Variants in NALF1 observed in about 807,000 individuals in gnomAD.
The protein encoded by NALF1 is NALCN channel auxiliary factor 1.
Under a neutral mutation model 48.4 loss-of-function variants are expected in NALF1, and 3 were observed. That is an observed-to-expected ratio of 0.06 (90% CI 0.03 to 0.16). The LOEUF is 0.16. Among genes scored for constraint, NALF1 ranks in the 10% least tolerant of loss-of-function variants. The pLI is 1.00. For synonymous variants in NALF1, 262 were observed against 245.7 expected (o/e 1.07, Z -0.62); for missense variants, 526 against 571.5 (o/e 0.92, Z 0.81).
In NALF1 at chr13:107,865,787, G is replaced by A; in HGVS notation, c.810C>T (p.Asp270=). 1 of 1,614,116 alleles carries A rather than the reference G, an allele frequency of 6.2e-7. No homozygotes were observed. Among genetic ancestry groups the A allele is most frequent in the Non-Finnish European group, 8.5e-7 (1 of 1,180,032 alleles). The change falls in exon 1 of 3, where the codon GAC becomes GAT. Residue 270 remains aspartate (D), a synonymous_variant. Transcript: ENST00000375915. The part of the protein sequence containing the change: ...TCRQCVEAYQ[D]YDHHAQEKYE... ...ATTTCTCCTGAGCATGGTGGTCATA[G>A]TCCTGGTAAGCCTCGACGCACTGCC...
intron 1 of NALF1, among the ~76,000 whole-genome samples, chr13:107,701,487 CTG>C (rs1881817962): frequency 6.6e-6 from 1 of 151,960 alleles, no homozygotes; most frequent in Non-Finnish European, 1.5e-5. Flanking sequence ...AGAGAATAAA[CTG>C]TGGTTACCAG....
At chr13:107,692,341 A>AAATATTAGT in intron 1 of NALF1, among the ~76,000 whole-genome samples, 1 of 152,192 alleles carries the variant, frequency 6.6e-6, no homozygotes, top group East Asian at 1.9e-4. Flanking sequence ...CAAGTTTTTG[A>AAATATTAGT]AATATTAGTT....
chr13:107,811,494 T>G (rs1878990526), intron 1 of NALF1, among the ~76,000 whole-genome samples: 1 of 152,190 alleles, frequency 6.6e-6, no homozygotes, highest in Non-Finnish European at 1.5e-5. Context: ...GGCATATGTA[T>G]CCTCTTTATT....
Position 107,532,194 on chromosome 13 carries a change from G to A in NALF1, c.916-321439C>T, listed in dbSNP as rs141941943. 1.7e-3 allele frequency among the ~76,000 whole-genome samples: 251 copies of A among 149,406 alleles called. 1 individual carries two copies. Among genetic ancestry groups the A allele is most frequent in the African/African-American group, 5.8e-3 (242 of 41,380 alleles). On this transcript the variant is annotated intron_variant, in intron 1 of 2. Transcript: ENST00000375915. ...GAGAAAGAAAGTGAACAAAAGTAGA[G>A]TTTAAAAAGCTACAGCCTTTCAAGG...
chr13:107,332,681 C>T (rs1390384981), intron 1 of NALF1, among the ~76,000 whole-genome samples: 2 of 152,290 alleles, frequency 1.3e-5, no homozygotes, highest in South Asian at 4.2e-4. Context: ...AATGCAGCTG[C>T]CTCTTTCTTA....
chr13:107,728,052 T>C (rs1876208623), intron 1 of NALF1, among the ~76,000 whole-genome samples: 1 of 152,134 alleles, frequency 6.6e-6, no homozygotes, highest in Non-Finnish European at 1.5e-5. Context: ...CTGGAGAGGA[T>C]GTGGAGAAAT....
At chr13:107,180,035 A>G (rs1053288513) in intron 2 of NALF1, among the ~76,000 whole-genome samples, 1 of 149,034 alleles carries the variant, frequency 6.7e-6, no homozygotes, top group Non-Finnish European at 1.5e-5. Context: ...AGGATACCCC[A>G]TTTAGCCTGA....
chr13:107,598,547 A>T (rs897699115), intron 1 of NALF1, among the ~76,000 whole-genome samples: 1 of 152,166 alleles, frequency 6.6e-6, no homozygotes, highest in Admixed American at 6.5e-5. Context: ...TGTGTCTAAA[A>T]CCAAAGTTAT....
intron 1 of NALF1, among the ~76,000 whole-genome samples, chr13:107,637,420 C>T (rs949409203): frequency 2.0e-5 from 3 of 152,132 alleles, no homozygotes; most frequent in Admixed American, 6.6e-5. Flanking sequence ...TTTCAAGGTA[C>T]TTCCTTCCAA....
At chr13:107,191,507 A>T (rs997448708) in intron 2 of NALF1, among the ~76,000 whole-genome samples, 6 of 152,164 alleles carry the variant, frequency 3.9e-5, no homozygotes, top group Non-Finnish European at 5.9e-5. Flanking sequence ...GAAAATTTTT[A>T]AAAAATGTAA....
intron 1 of NALF1, among the ~76,000 whole-genome samples, chr13:107,653,088 G>A (rs1188901305): frequency 6.7e-6 from 1 of 149,820 alleles, no homozygotes; most frequent in Non-Finnish European, 1.5e-5. Flanking sequence ...GTATCTTTAT[G>A]TGTTGCTTTT....
chr13:107,328,780 A>G (rs1882414066), intron 1 of NALF1, among the ~76,000 whole-genome samples: 1 of 152,204 alleles, frequency 6.6e-6, no homozygotes, highest in Admixed American at 6.5e-5. Flanking sequence ...TCAGGGTGAC[A>G]GCACTTAGGG....
chr13:107,636,300 A>C (rs1879974774), intron 1 of NALF1, among the ~76,000 whole-genome samples: 1 of 152,192 alleles, frequency 6.6e-6, no homozygotes, highest in African/African-American at 2.4e-5. Flanking sequence ...GAAATAAAAT[A>C]TAGCTGAGTT....
intron 1 of NALF1, among the ~76,000 whole-genome samples, chr13:107,226,682 A>G (rs1880114039): frequency 6.6e-6 from 1 of 152,360 alleles, no homozygotes; most frequent in Non-Finnish European, 1.5e-5. Flanking sequence ...AATCTCACCA[A>G]TGCAACATAT....
chr13:107,221,446 G>A lies in NALF1; in HGVS notation c.916-10691C>T, dbSNP rs1299830609. ...ATTACAAAAATTAGCTGGGCGTGGC[G>A]GTGCATGCCTGTAATTCCAGCTACT... On this transcript the variant is annotated intron_variant, in intron 1 of 2. Coordinates refer to ENST00000375915, the MANE Select transcript of NALF1 (RefSeq NM_001080396.3). Among the ~76,000 whole-genome samples the A allele has an allele frequency of 8.5e-5, 13 of 152,150 alleles. No homozygotes were observed. In the East Asian group the frequency reaches 1.5e-3, roughly 18 times the overall value.
intron 1 of NALF1, among the ~76,000 whole-genome samples, chr13:107,387,832 T>C (rs1451102990): frequency 1.3e-5 from 2 of 152,250 alleles, no homozygotes; most frequent in African/African-American, 4.8e-5. Flanking sequence ...AAGTCATTCT[T>C]CAGTATGATT....
At chr13:107,571,912 CT>C (rs1232191576) in intron 1 of NALF1, among the ~76,000 whole-genome samples, 1 of 151,986 alleles carries the variant, frequency 6.6e-6, no homozygotes, top group Non-Finnish European at 1.5e-5. Context: ...CTTTAATTGC[CT>C]TTTTAAAATC....
At chr13:107,339,099 A>C (rs1484031755) in intron 1 of NALF1, among the ~76,000 whole-genome samples, 1 of 145,404 alleles carries the variant, frequency 6.9e-6, no homozygotes, top group Non-Finnish European at 1.5e-5. Context: ...GTGCCACTGC[A>C]CTCCAGCCTG....
In NALF1 at chr13:107,315,168, C is replaced by T. The variant is rs182556215; in HGVS notation, c.916-104413G>A. On this transcript the variant is annotated intron_variant, in intron 1 of 2. Coordinates refer to ENST00000375915, the MANE Select transcript of NALF1 (RefSeq NM_001080396.3). ...CTTTCTTTGTATCAAAATAAAAAAG[C>T]GAAAGAATTAAAGAATTCTACTACC... Among the ~76,000 whole-genome samples, 690 of 151,922 alleles carry T rather than the reference C, an allele frequency of 4.5e-3. 3 individuals carry two copies. Among genetic ancestry groups the T allele is most frequent in the African/African-American group, 0.016 (653 of 41,440 alleles).
Sources: allele counts gnomAD v4.1 joint callset (sites outside exome capture counted in the v4.1 genomes callset), GRCh38; gene constraint gnomAD v4.1.1; transcripts MANE v1.5; gene names NCBI Gene and HGNC (gene_info 2026-07-23, HGNC 2026-07-21).